Variants in ALG8 observed in about 807,000 individuals in gnomAD.
The protein encoded by ALG8 is dolichyl pyrophosphate Glc1Man9GlcNAc2 alpha-1,3-glucosyltransferase.
Under a neutral mutation model 70.2 loss-of-function variants are expected in ALG8, and 48 were observed. The ratio of observed to expected loss-of-function variants is 0.68; its 90% CI spans 0.54 to 0.87. The LOEUF is 0.87. ALG8 is among the 40% of genes least tolerant of loss of function. The pLI is 0.00. For missense variants in ALG8, 572 were observed against 608.7 expected, an observed-to-expected ratio of 0.94 and a Z score of 0.64; for synonymous variants, 234 against 229.0, an observed-to-expected ratio of 1.02 and a Z score of -0.20.
chr11:78,127,858 T>C (rs1018654476), intron 1 of ALG8, among the ~76,000 whole-genome samples: 1 of 152,052 alleles, frequency 6.6e-6, no homozygotes, highest in Non-Finnish European at 1.5e-5. Flanking sequence ...TACAGGCATG[T>C]ACCACCAATC....
chr11:78,119,677 C>A (rs1860735695), intron 4 of ALG8, among the ~76,000 whole-genome samples: 1 of 152,150 alleles, frequency 6.6e-6, no homozygotes, highest in African/African-American at 2.4e-5. Context: ...GATTCCCCAA[C>A]CTTGGCTTCC....
Position 78,112,647 on chromosome 11 carries a change from T to A in ALG8, c.898+3A>T, listed in dbSNP as rs1284205914. The A allele has an allele frequency of 1.2e-6, 2 of 1,613,352 alleles. No individual in the cohort carries two copies. Among genetic ancestry groups the A allele is most frequent in the African/African-American group, 2.7e-5 (2 of 74,870 alleles). On this transcript the variant is annotated splice_donor_region_variant and intron_variant, in intron 8 of 12. Transcript: ENST00000299626. ...TCTGAGTAAAAAATGCTCGCTACCA[T>A]ACCGATGACAGACAGCACTTTGTCC... is the stretch of plus-strand genomic sequence containing the variant.
chr11:78,102,968 AAT>A, intron 12 of ALG8: 1 of 159,832 alleles, frequency 6.3e-6, no homozygotes, highest in South Asian at 1.8e-4. Context: ...AAAAAAAAAA[AAT>A]TATAGTTAAC....
intron 3 of ALG8, 166 bp from the exon 4 acceptor site, chr11:78,121,340 TATCAC>T: frequency 1.6e-6 from 1 of 635,546 alleles, no homozygotes; most frequent in Admixed American, 2.6e-5. Flanking sequence ...AGGGATGGGG[TATCAC>T]TGTTGCCCAG....
chr11:78,113,791 C>A, intron 7 of ALG8, 95 bp downstream of exon 7: 5 of 985,528 alleles, frequency 5.1e-6, no homozygotes, highest in East Asian at 2.8e-5. Flanking sequence ...AAAAAAGTAG[C>A]TTTTACTTAT....
chr11:78,124,139 A>G lies in ALG8; in HGVS notation c.250T>C (p.Tyr84His). 1 of 1,614,212 alleles carries G rather than the reference A, an allele frequency of 6.2e-7. No homozygotes were observed. Among genetic ancestry groups the G allele is most frequent in the Non-Finnish European group, 8.5e-7 (1 of 1,180,028 alleles). The change falls in exon 3 of 13, where the codon TAT becomes CAT. Residue 84 changes from tyrosine (Y) to histidine (H), a missense_variant. Coordinates refer to ENST00000299626, the MANE Select transcript of ALG8 (RefSeq NM_024079.5). ...ACATTCAGCATTTCTTGATCAAAAT[A>G]TTTGGCAACATGTGACAGGATATAC... ...FEYILSHVAK[Y>H]FDQEMLNVHN...
chr11:78,132,705 A>C (rs1294272715), intron 1 of ALG8, among the ~76,000 whole-genome samples: 1 of 152,116 alleles, frequency 6.6e-6, no homozygotes, highest in African/African-American at 2.4e-5. Context: ...CATACTCTGC[A>C]TGGATGGCCC....
At chr11:78,121,298 T>C (rs1860811595) in intron 3 of ALG8, 124 bp from the exon 4 acceptor site, 1 of 757,644 alleles carries the variant, frequency 1.3e-6, no homozygotes, top group Non-Finnish European at 2.2e-6. Context: ...TTTTTTTTTT[T>C]TTTTTCCAAT....
intron 1 of ALG8, among the ~76,000 whole-genome samples, chr11:78,134,878 G>A (rs192599408): frequency 6.6e-6 from 1 of 152,324 alleles, no homozygotes; most frequent in East Asian, 1.9e-4. Context: ...ATCCATTGGA[G>A]TTGGAATCTA....
intron 3 of ALG8, among the ~76,000 whole-genome samples, chr11:78,121,772 A>G (rs1860836625): frequency 6.6e-6 from 1 of 152,150 alleles, no homozygotes; most frequent in African/African-American, 2.4e-5. Flanking sequence ...CTAATTTAAC[A>G]CTCTAAATTA....
chr11:78,124,602 T>C (rs1373060343), intron 2 of ALG8, among the ~76,000 whole-genome samples: 4 of 152,196 alleles, frequency 2.6e-5, no homozygotes, highest in Non-Finnish European at 4.4e-5. Flanking sequence ...TAGAGTCAAC[T>C]ACACTTAAAG....
intron 8 of ALG8, among the ~76,000 whole-genome samples, chr11:78,110,198 A>C (rs114530959): frequency 0.033 from 5,005 of 151,212 alleles, 295 homozygotes; most frequent in African/African-American, 0.12. Context: ...TTTTTTTGAG[A>C]TGGAGTCTTA....
chr11:78,107,219 AT>A (rs1266087762), intron 9 of ALG8, among the ~76,000 whole-genome samples: 6 of 138,712 alleles, frequency 4.3e-5, no homozygotes, highest in African/African-American at 9.2e-5. Flanking sequence ...ATATATATAT[AT>A]ATAATTTTTT....
intron 4 of ALG8, among the ~76,000 whole-genome samples, chr11:78,119,560 C>G (rs1590824197): frequency 6.6e-6 from 1 of 151,692 alleles, no homozygotes; most frequent in African/African-American, 2.4e-5. Context: ...TCCCGAGTAG[C>G]TGGGACTACA....
chr11:78,114,837 T>A (rs1377488171), intron 5 of ALG8: 2 of 334,074 alleles, frequency 6.0e-6, no homozygotes, highest in African/African-American at 2.2e-5. Context: ...TAGCTAGGCG[T>A]GATGGCTTGC....
intron 9 of ALG8, among the ~76,000 whole-genome samples, chr11:78,108,247 T>A (rs1860133456): frequency 6.6e-6 from 1 of 151,800 alleles, no homozygotes; most frequent in African/African-American, 2.4e-5. Context: ...ACCACTACAC[T>A]CCAGCCTGGC....
At chr11:78,133,456 C>T (rs1357072534) in intron 1 of ALG8, 1 of 152,126 alleles carries the variant, frequency 6.6e-6, no homozygotes, top group Non-Finnish European at 1.5e-5. Context: ...GCATGCTATC[C>T]TTGTGCGTGG....
At chr11:78,132,898 G>A (rs1014460434) in intron 1 of ALG8, among the ~76,000 whole-genome samples, 6 of 144,348 alleles carry the variant, frequency 4.2e-5, no homozygotes, top group East Asian at 4.0e-4. Context: ...GTGCAGTGGC[G>A]CTATCTCGGC....
chr11:78,131,769 T>A lies in ALG8; in HGVS notation c.96-4333A>T, dbSNP rs111227743. 2.0e-3 allele frequency among the ~76,000 whole-genome samples: 302 copies of A among 152,240 alleles called. 2 individuals carry two copies. The highest frequency in any genetic ancestry group is 7.1e-3 in the African/African-American group (293 of 41,548). On this transcript the variant is annotated intron_variant, in intron 1 of 12. Coordinates refer to ENST00000299626, the MANE Select transcript of ALG8 (RefSeq NM_024079.5). Reference sequence around the variant, plus strand: ...GTGTGAGCCACTGCACCCAGCCCTGTCTCTAAAAATTAAAACAAACAAAAA... The same window carrying A: ...GTGTGAGCCACTGCACCCAGCCCTGACTCTAAAAATTAAAACAAACAAAAA...
Sources: allele counts gnomAD v4.1 joint callset (sites outside exome capture counted in the v4.1 genomes callset), GRCh38; gene constraint gnomAD v4.1.1; transcripts MANE v1.5; gene names NCBI Gene and HGNC (gene_info 2026-07-23, HGNC 2026-07-21).